Variants in ERC2 observed in about 807,000 individuals in gnomAD.
ERC2 encodes the protein ERC protein 2.
Under a neutral mutation model 114.8 loss-of-function variants are expected in ERC2, and 42 were observed. The ratio of observed to expected loss-of-function variants is 0.37; its 90% CI spans 0.29 to 0.47. The LOEUF (loss-of-function observed/expected upper bound fraction) is 0.47, where lower values mean the gene tolerates loss of function less well. Ranked by LOEUF, ERC2 falls within the 20% of genes least tolerant of loss-of-function variation. ERC2 has a pLI of 0.99. For synonymous variants in ERC2, 454 were observed against 425.5 expected (o/e 1.07, Z -0.82); for missense variants, 939 against 1,150.7 (o/e 0.82, Z 2.66).
At chr3:56,074,734 G>A (rs2076894091) in intron 7 of ERC2, among the ~76,000 whole-genome samples, 1 of 152,132 alleles carries the variant, frequency 6.6e-6, no homozygotes, top group Non-Finnish European at 1.5e-5. Context: ...TTCCTCTTCT[G>A]TGTTTTATTA....
intron 17 of ERC2, among the ~76,000 whole-genome samples, chr3:55,600,446 C>T (rs143555711): frequency 3.9e-5 from 6 of 152,298 alleles, no homozygotes; most frequent in African/African-American, 9.6e-5. Flanking sequence ...AGTACCCACC[C>T]ATAGAAGTAC....
intron 12 of ERC2, among the ~76,000 whole-genome samples, chr3:55,952,180 C>CTATATATATATATA (rs1491480619): frequency 1.2e-4 from 3 of 25,610 alleles, no homozygotes; most frequent in Admixed American, 3.9e-4. Context: ...CACACACACA[C>CTATATATATATATA]TCTCTCTCTC....
At chr3:55,922,255 T>C (rs2065472075) in intron 13 of ERC2, among the ~76,000 whole-genome samples, 1 of 152,038 alleles carries the variant, frequency 6.6e-6, no homozygotes, top group Non-Finnish European at 1.5e-5. Context: ...AACTCAAACT[T>C]TGCTTCACTA....
At position 56,368,185 on chromosome 3, in the gene ERC2, T is replaced by TAAAAA. The variant is rs71294729; in HGVS notation, c.657+66161_657+66165dup. 3.6e-3 allele frequency among the ~76,000 whole-genome samples: 499 copies of TAAAAA among 137,738 alleles called. 3 individuals carry two copies. Among genetic ancestry groups the TAAAAA allele is most frequent in the African/African-American group, 7.7e-3 (269 of 34,914 alleles). 90.4% of individuals were successfully genotyped at this position (137,738 alleles called of 152,430 possible). ...AAAGTTGAAATTATTCTTTTTTTTTTAAAAAAAAAAAAAAAGCAAATGTAG... is the reference window on the plus strand; with the variant it reads ...AAAGTTGAAATTATTCTTTTTTTTTTAAAAAAAAAAAAAAAAAAAAGCAAATGTAG... On this transcript the variant is annotated intron_variant, in intron 2 of 17. Coordinates refer to ENST00000288221, the MANE Select transcript of ERC2 (RefSeq NM_015576.3).
chr3:56,017,049 A>C (rs750062483), intron 8 of ERC2, among the ~76,000 whole-genome samples: 2 of 152,190 alleles, frequency 1.3e-5, no homozygotes, highest in African/African-American at 2.4e-5. Flanking sequence ...ATCTACTCCC[A>C]CACTTCAAAA....
chr3:56,260,801 C>T (rs1560478402), intron 3 of ERC2, among the ~76,000 whole-genome samples: 1 of 152,216 alleles, frequency 6.6e-6, no homozygotes, highest in Non-Finnish European at 1.5e-5. Context: ...CCAGCAGCTG[C>T]ATCTTGTTCC....
rs995758584 is a variant in ERC2 at position 55,943,405 on chromosome 3, C to T, written c.2403+7020G>A. 6.6e-5 allele frequency among the ~76,000 whole-genome samples: 10 copies of T among 152,136 alleles called. 1 individual carries two copies. The South Asian group carries it at 8.3e-4, about 13-fold the overall frequency. On this transcript the variant is annotated intron_variant, in intron 13 of 17. Coordinates refer to ENST00000288221, the MANE Select transcript of ERC2 (RefSeq NM_015576.3). ...AACACACACCTCAGAGGTCTCCCTT[C>T]CCAGTGGCTTTTGAAGCATGATTCT... is the stretch of plus-strand genomic sequence containing the variant.
chr3:56,319,172 A>G (rs2057009747), intron 2 of ERC2, among the ~76,000 whole-genome samples: 1 of 152,178 alleles, frequency 6.6e-6, no homozygotes, highest in African/African-American at 2.4e-5. Flanking sequence ...AGGATCTCAA[A>G]GACAAATTCA....
intron 17 of ERC2, among the ~76,000 whole-genome samples, chr3:55,571,164 C>T (rs1254510553): frequency 1.4e-5 from 2 of 143,332 alleles, no homozygotes; most frequent in East Asian, 2.2e-4. Flanking sequence ...AATTCAATGT[C>T]TTCTTCCCTA....
chr3:55,871,735 G>A (rs760409077), intron 14 of ERC2, among the ~76,000 whole-genome samples: 2 of 152,196 alleles, frequency 1.3e-5, no homozygotes, highest in Non-Finnish European at 2.9e-5. Flanking sequence ...ATCAATTAAG[G>A]AATGTGTCAG....
intron 14 of ERC2, among the ~76,000 whole-genome samples, chr3:55,784,452 A>T (rs953205161): frequency 6.6e-6 from 1 of 152,228 alleles, no homozygotes; most frequent in Non-Finnish European, 1.5e-5. Flanking sequence ...AAGGCTGCCT[A>T]GTGAGGTCAT....
intron 5 of ERC2, among the ~76,000 whole-genome samples, chr3:56,144,346 T>A (rs1200066594): frequency 6.6e-6 from 1 of 152,136 alleles, no homozygotes; most frequent in Non-Finnish European, 1.5e-5. Flanking sequence ...TGATAAAAGA[T>A]ACTAAAATCT....
chr3:56,067,751 G>C (rs1459296397), intron 7 of ERC2, among the ~76,000 whole-genome samples: 1 of 152,172 alleles, frequency 6.6e-6, no homozygotes, highest in East Asian at 1.9e-4. Context: ...TAACATGAAG[G>C]GATGTTGAAT....
chr3:55,735,019 G>A (rs1182119792), intron 14 of ERC2, 101 bp from the exon 15 acceptor site: 1 of 1,255,470 alleles, frequency 8.0e-7, no homozygotes, highest in Non-Finnish European at 1.1e-6. Context: ...TTGTCTCAAT[G>A]GAAAGAAATT....
At chr3:55,904,903 A>G (rs1372862532) in intron 13 of ERC2, among the ~76,000 whole-genome samples, 2 of 152,196 alleles carry the variant, frequency 1.3e-5, no homozygotes, top group African/African-American at 4.8e-5. Flanking sequence ...CATTCCTGCT[A>G]AGGTTTAACT....
intron 12 of ERC2, among the ~76,000 whole-genome samples, chr3:55,985,186 G>A: frequency 6.6e-6 from 1 of 152,220 alleles, no homozygotes; most frequent in Admixed American, 6.5e-5. Context: ...ATTGGAAAGA[G>A]AAGTTGTCCT....
At chr3:55,769,894 T>G (rs1360338948) in intron 14 of ERC2, among the ~76,000 whole-genome samples, 2 of 152,158 alleles carry the variant, frequency 1.3e-5, no homozygotes, top group Non-Finnish European at 2.9e-5. Flanking sequence ...CAGATCATGT[T>G]GTCATTCACA....
chr3:56,047,262 C>A (rs1477114942), intron 7 of ERC2, among the ~76,000 whole-genome samples: 2 of 152,212 alleles, frequency 1.3e-5, no homozygotes, highest in Admixed American at 1.3e-4. Flanking sequence ...CCATCAACAA[C>A]TTCTATGCTT....
intron 17 of ERC2, among the ~76,000 whole-genome samples, chr3:55,543,520 C>T (rs544638370): frequency 6.6e-6 from 1 of 152,194 alleles, no homozygotes; most frequent in Non-Finnish European, 1.5e-5. Flanking sequence ...GGCGGGTTAG[C>T]GGTTGGCCTC....
Sources: gnomAD v4.1 joint callset for allele counts (sites outside exome capture counted in the v4.1 genomes callset) on GRCh38, gnomAD v4.1.1 for gene constraint, MANE v1.5 for transcripts, NCBI Gene and HGNC (gene_info 2026-07-23, HGNC 2026-07-21) for gene names.